The following TMEM59L variants were observed in gnomAD, a reference collection of about 807,000 sequenced individuals.
TMEM59L encodes the protein transmembrane protein 59 like.
Under a neutral mutation model 39.6 loss-of-function variants are expected in TMEM59L, and 31 were observed. The ratio of observed to expected loss-of-function variants is 0.78; its 90% confidence interval spans 0.59 to 1.06. The LOEUF (loss-of-function observed/expected upper bound fraction) is 1.06, where lower values mean the gene tolerates loss of function less well. Ranked by LOEUF, TMEM59L falls within the 50% of genes least tolerant of loss-of-function variation. The pLI is 0.00. For synonymous variants in TMEM59L, 219 were observed against 202.9 expected (o/e 1.08, Z -0.68); for missense variants, 441 against 451.3 (o/e 0.98, Z 0.21).
chr19:18,614,567 G>A (rs1331687676), intron 3 of TMEM59L, among the ~76,000 whole-genome samples: 2 of 152,200 alleles, frequency 1.3e-5, no homozygotes, highest in African/African-American at 2.4e-5. Flanking sequence ...GCTGTGCAAG[G>A]GGCGAGATTT....
At chr19:18,613,350 C>A (rs967557567) in intron 1 of TMEM59L, among the ~76,000 whole-genome samples, 1 of 151,972 alleles carries the variant, frequency 6.6e-6, no homozygotes, top group African/African-American at 2.4e-5. Flanking sequence ...GATAAGGGGC[C>A]GATACCACCT....
At chr19:18,617,409 G>A (rs909204482) in intron 5 of TMEM59L, 7 of 506,938 alleles carry the variant, frequency 1.4e-5, no homozygotes, top group Admixed American at 6.8e-5. Context: ...CCCACCTCCC[G>A]GGTTCCGTGG....
rs761359104 is a variant in TMEM59L at position 18,620,537 on chromosome 19, G to A, written c.*1G>A. 4 of 1,612,932 alleles carry A rather than the reference G, an allele frequency of 2.5e-6. No individual in the cohort carries two copies. In the South Asian group the frequency reaches 4.4e-5, roughly 18 times the overall value. ...GAAGCTGGACCTGACCAAGCTGTAG[G>A]CCTCCACTGGCCCCATCACTGCCAA... On this transcript the variant is annotated 3_prime_UTR_variant, in exon 8 of 8. Transcript: ENST00000262817.
At position 18,617,059 on chromosome 19, in the gene TMEM59L, G is replaced by T; in HGVS notation, c.621G>T (p.Val207=). 6.2e-7 allele frequency: 1 copy of T among 1,613,366 alleles called. No individual in the cohort carries two copies. The highest frequency in any genetic ancestry group is 1.1e-5 in the South Asian group (1 of 91,068). The change falls in exon 5 of 8, where the codon GTG becomes GTT. Residue 207 remains valine, a synonymous_variant. Coordinates refer to ENST00000262817, the MANE Select transcript of TMEM59L (RefSeq NM_012109.3). ...FQGGRLQRVE[V]TWRGSHPEAL... is the part of the protein sequence containing the mutation. Reference sequence around the variant, plus strand: ...GGGGCCGTCTGCAGCGCGTGGAGGTGACCTGGCGAGGCTCCCACCCTGAAG... The same window carrying T: ...GGGGCCGTCTGCAGCGCGTGGAGGTTACCTGGCGAGGCTCCCACCCTGAAG...
chr19:18,618,681 A>C (rs1976460481), intron 7 of TMEM59L, among the ~76,000 whole-genome samples, 189 bp downstream of exon 7: 1 of 137,904 alleles, frequency 7.3e-6, no homozygotes. Flanking sequence ...GTGTATATAT[A>C]TATATATAAT....
chr19:18,618,998 A>G (rs1427856264), intron 7 of TMEM59L, among the ~76,000 whole-genome samples: 1 of 150,606 alleles, frequency 6.6e-6, no homozygotes, highest in Admixed American at 6.7e-5. Flanking sequence ...CCCGGCCTAT[A>G]TATATATTTT....
chr19:18,614,336 C>T (rs1459083835), intron 3 of TMEM59L, 141 bp downstream of exon 3: 4 of 892,284 alleles, frequency 4.5e-6, no homozygotes, highest in Non-Finnish European at 6.8e-6. Context: ...TCCATCCAGC[C>T]CCGTCATGTC....
chr19:18,617,084 G>A lies in TMEM59L; in HGVS notation c.646G>A (p.Ala216Thr). 6.2e-7 allele frequency: 1 copy of A among 1,613,350 alleles called. No homozygotes were observed. The highest frequency in any genetic ancestry group is 8.5e-7 in the Non-Finnish European group (1 of 1,179,850). The change falls in exon 5 of 8, where the codon GCC becomes ACC. Residue 216 changes from alanine (A) to threonine (T), a missense_variant. Ala to Thr is a moderately conservative substitution (Grantham distance 58). Transcript: ENST00000262817. The part of the protein sequence containing the change: ...EVTWRGSHPE[A>T]LEVHVDPVGP... ...GACCTGGCGAGGCTCCCACCCTGAAGCCCTGGAGGTGCACGTGGGTAAGGT... is the reference window on the plus strand; with the variant it reads ...GACCTGGCGAGGCTCCCACCCTGAAACCCTGGAGGTGCACGTGGGTAAGGT...
rs1240786500 is a variant in TMEM59L, at chr19:18,613,891, C to G, written c.191C>G (p.Ser64Cys). The change falls in exon 2 of 8, where the codon TCC becomes TGC. Residue 64 changes from serine (S) to cysteine (C), a missense_variant. Coordinates refer to ENST00000262817, the MANE Select transcript of TMEM59L (RefSeq NM_012109.3). ...QPSQAGLEGA[S>C]ESPYDRAVLI... ...CCCCAGGCGGGGCTGGAGGGCGCCT[C>G]CGAGTCTCCCTATGACAGAGCCGTT... The G allele has an allele frequency of 2.5e-6, 4 of 1,612,160 alleles. No homozygotes were observed. Among genetic ancestry groups the G allele is most frequent in the Non-Finnish European group, 3.4e-6 (4 of 1,179,794 alleles).
At position 18,615,973 on chromosome 19, in the gene TMEM59L, A is replaced by G. The variant is rs771545676; in HGVS notation, c.409-2A>G. On this transcript the variant is annotated splice_acceptor_variant, in intron 3 of 7. Coordinates refer to ENST00000262817, the MANE Select transcript of TMEM59L (RefSeq NM_012109.3). LOFTEE classifies it high-confidence loss of function. The stretch of plus-strand genomic sequence containing the variant: ...TTTGTGTCTTGGACCTTTTTTCACC[A>G]GAGAAAGGTCCTGGAGGCTCCAAGT... 3 of 1,612,166 alleles carry G rather than the reference A, an allele frequency of 1.9e-6. 1 individual carries two copies. In the South Asian group the frequency reaches 3.3e-5, roughly 18 times the overall value.
chr19:18,614,537 C>A (rs1976407769), intron 3 of TMEM59L, among the ~76,000 whole-genome samples: 1 of 152,226 alleles, frequency 6.6e-6, no homozygotes, highest in South Asian at 2.1e-4. Context: ...CAGGGGGCAA[C>A]CTCCCAGGTC....
chr19:18,613,104 G>A lies in TMEM59L; in HGVS notation c.146G>A (p.Arg49His), dbSNP rs1396174929. The change falls in exon 1 of 8, where the codon CGC becomes CAC. Residue 49 changes from arginine to histidine, a missense_variant. Coordinates refer to ENST00000262817, the MANE Select transcript of TMEM59L (RefSeq NM_012109.3). ...TQNCQLRCRD[R>H]DLGPQPSQAG... is the part of the protein sequence containing the mutation. ...AACTGCCAGCTGCGGTGCCGCGACC[G>A]CGACCTCGGCCCGCAGCCCTCGCAG... 14 of 1,314,594 alleles carry A rather than the reference G, an allele frequency of 1.1e-5. No homozygotes were observed. The highest frequency in any genetic ancestry group is 1.3e-5 in the Non-Finnish European group (13 of 1,035,910). The allele number at this position is 1,314,594 out of a possible 1,614,324, so 81.4% of individuals were successfully genotyped here.
At chr19:18,616,368 A>G (rs1976427442) in intron 4 of TMEM59L, among the ~76,000 whole-genome samples, 1 of 139,410 alleles carries the variant, frequency 7.2e-6, no homozygotes, top group African/African-American at 2.7e-5. Context: ...GCTCTAGGTT[A>G]CAAACGCTGT....
intron 4 of TMEM59L, among the ~76,000 whole-genome samples, chr19:18,616,572 T>C (rs1480264901): frequency 6.6e-6 from 1 of 152,150 alleles, no homozygotes; most frequent in East Asian, 1.9e-4. Flanking sequence ...TTTGTATTTT[T>C]AGTGGAGACG....
At position 18,613,852 on chromosome 19, in the gene TMEM59L, C is replaced by G. The variant is rs1976397493; in HGVS notation, c.172-20C>G. 5 of 1,605,588 alleles carry G rather than the reference C, an allele frequency of 3.1e-6. No homozygotes were observed. Among genetic ancestry groups the G allele is most frequent in the Non-Finnish European group, 4.2e-6 (5 of 1,176,752 alleles). ...CTGCCCCTCCCCATGGCCTGAGCCCCCTGTCCTCCCCTCCCCCAGGCGGGG... is the reference window on the plus strand; with the variant it reads ...CTGCCCCTCCCCATGGCCTGAGCCCGCTGTCCTCCCCTCCCCCAGGCGGGG... On this transcript the variant is annotated intron_variant, in intron 1 of 7. Transcript: ENST00000262817.
chr19:18,614,236 C>G (rs1021328091), intron 3 of TMEM59L, 41 bp downstream of exon 3: 2 of 1,535,208 alleles, frequency 1.3e-6, no homozygotes, highest in Admixed American at 1.9e-5. Flanking sequence ...TTTCCCAATA[C>G]CCCCACCCTC....
intron 7 of TMEM59L, among the ~76,000 whole-genome samples, chr19:18,619,973 T>TCACACACA (rs57681167): frequency 0.01 from 1,218 of 116,884 alleles, 17 homozygotes; most frequent in Non-Finnish European, 0.015. Context: ...GAAGACCCCA[T>TCACACACA]CACACACACA....
Position 18,620,710 on chromosome 19 carries a change from C to T in TMEM59L, c.*174C>T. On this transcript the variant is annotated 3_prime_UTR_variant, in exon 8 of 8. Coordinates refer to ENST00000262817, the MANE Select transcript of TMEM59L (RefSeq NM_012109.3). ...ACGGAGTCCTGGGGACGCAGTGCCCCAGCTGGGAAGAGGGCGGGATCGGGC... is the reference window on the plus strand; with the variant it reads ...ACGGAGTCCTGGGGACGCAGTGCCCTAGCTGGGAAGAGGGCGGGATCGGGC... 2 of 980,752 alleles carry T rather than the reference C, an allele frequency of 2.0e-6. No homozygotes were observed. The highest frequency in any genetic ancestry group is 4.4e-5 in the South Asian group (2 of 45,738). The allele number at this position is 980,752 out of a possible 1,614,324, so 60.8% of individuals were successfully genotyped here. A position where few individuals can be genotyped will look rare whatever the true frequency, so the allele number is the denominator to read the frequency against.
intron 5 of TMEM59L, 178 bp downstream of exon 5, chr19:18,617,280 G>A (rs1976439642): frequency 1.5e-6 from 1 of 685,740 alleles, no homozygotes; most frequent in Admixed American, 2.0e-5. Flanking sequence ...ACCTCCCAGG[G>A]TTCCATGGTC....
Sources: gnomAD v4.1 joint callset for allele counts (sites outside exome capture counted in the v4.1 genomes callset) on GRCh38, gnomAD v4.1.1 for gene constraint, MANE v1.5 for transcripts, NCBI Gene and HGNC (gene_info 2026-07-23, HGNC 2026-07-21) for gene names.